MBD5: variants seen among roughly 807,000 people sequenced by gnomAD.
The protein encoded by MBD5 is methyl-CpG-binding domain protein 5.
Under a neutral mutation model 117.3 loss-of-function variants are expected in MBD5, and 13 were observed. That is an observed-to-expected ratio of 0.11 (90% CI 0.07 to 0.18). MBD5 has a LOEUF of 0.18. MBD5 is among the 10% of genes least tolerant of loss of function. The probability of loss-of-function intolerance (pLI) is 1.00; values close to 1 mark genes in which losing one functional copy is unlikely to be tolerated. For missense variants in MBD5, 1,879 were observed against 2,093.8 expected, an observed-to-expected ratio of 0.90 and a Z score of 2.00; for synonymous variants, 727 against 766.4, an observed-to-expected ratio of 0.95 and a Z score of 0.85.
rs780050012 is a variant in MBD5, at chr2:148,170,886, C to G, written c.-924-7814C>G. ...ATTCTACACCAACCAATTAGATTACCTAGAAGTGGATAAATGCCTAGACAT... is the reference window on the plus strand; with the variant it reads ...ATTCTACACCAACCAATTAGATTACGTAGAAGTGGATAAATGCCTAGACAT... On this transcript the variant is annotated intron_variant, in intron 1 of 13. Coordinates refer to ENST00000642680, the MANE Select transcript of MBD5 (RefSeq NM_001378120.1). 1.5e-3 allele frequency among the ~76,000 whole-genome samples: 235 copies of G among 152,200 alleles called. 1 individual carries two copies. The highest frequency in any genetic ancestry group is 5.6e-4 in the Non-Finnish European group (38 of 67,990).
intron 1 of MBD5, among the ~76,000 whole-genome samples, chr2:148,121,824 T>A (rs1243560181): frequency 6.6e-6 from 1 of 152,080 alleles, no homozygotes; most frequent in Non-Finnish European, 1.5e-5. Context: ...TCCACGTTTT[T>A]AAAAAAATTA....
chr2:148,122,757 G>T (rs1474132831), intron 1 of MBD5, among the ~76,000 whole-genome samples: 1 of 152,164 alleles, frequency 6.6e-6, no homozygotes, highest in Non-Finnish European at 1.5e-5. Flanking sequence ...AAAATGTCCA[G>T]TAAACAGTGA....
At chr2:148,309,402 T>A (rs1701973611) in intron 3 of MBD5, among the ~76,000 whole-genome samples, 1 of 152,222 alleles carries the variant, frequency 6.6e-6, no homozygotes, top group South Asian at 2.1e-4. Context: ...AGGTATTTTA[T>A]TCTCTTTGTA....
At chr2:148,212,247 A>C (rs1247691183) in intron 2 of MBD5, among the ~76,000 whole-genome samples, 1 of 151,782 alleles carries the variant, frequency 6.6e-6, no homozygotes, top group African/African-American at 2.4e-5. Context: ...ATTTCCCTCA[A>C]CTCCTAGTCC....
Position 148,142,762 on chromosome 2 carries a change from A to G in MBD5, c.-924-35938A>G, listed in dbSNP as rs1010952239. Among the ~76,000 whole-genome samples, 3 of 152,336 alleles carry G rather than the reference A, an allele frequency of 2.0e-5. No homozygotes were observed. In the East Asian group the frequency reaches 5.8e-4, roughly 29 times the overall value. The stretch of plus-strand genomic sequence containing the variant: ...AGCCTTCAGGAAGGAGCTCTCCAGG[A>G]AACTAAGGAAATTGATATGTTTGAA... On this transcript the variant is annotated intron_variant, in intron 1 of 13. Coordinates refer to ENST00000642680, the MANE Select transcript of MBD5 (RefSeq NM_001378120.1).
chr2:148,332,267 AT>A (rs1158388583), intron 3 of MBD5, among the ~76,000 whole-genome samples: 26 of 152,190 alleles, frequency 1.7e-4, no homozygotes, highest in Non-Finnish European at 3.7e-4. Context: ...TCAATTGTGC[AT>A]GTTATTATAA....
intron 12 of MBD5, among the ~76,000 whole-genome samples, chr2:148,507,582 A>AC (rs1411586300): frequency 2.6e-5 from 4 of 151,808 alleles, no homozygotes; most frequent in Non-Finnish European, 4.4e-5. Context: ...ACACGGTGAA[A>AC]CCCCGTCTCT....
At chr2:148,277,279 A>G (rs956108491) in intron 3 of MBD5, among the ~76,000 whole-genome samples, 4 of 152,232 alleles carry the variant, frequency 2.6e-5, no homozygotes, top group Non-Finnish European at 5.9e-5. Context: ...TTAAGAGTTT[A>G]GGAAAAATAT....
intron 2 of MBD5, among the ~76,000 whole-genome samples, chr2:148,211,410 G>A (rs1323422942): frequency 1.3e-5 from 2 of 152,116 alleles, no homozygotes; most frequent in African/African-American, 4.8e-5. Context: ...TTTGGACTCA[G>A]AGAAAACTGC....
At chr2:148,289,171 G>A (rs1268485194) in intron 3 of MBD5, among the ~76,000 whole-genome samples, 2 of 152,112 alleles carry the variant, frequency 1.3e-5, no homozygotes, top group African/African-American at 4.8e-5. Context: ...GACTCAAGCT[G>A]ATACAAACTC....
At chr2:148,323,912 T>C (rs75514220) in intron 3 of MBD5, among the ~76,000 whole-genome samples, 41,635 of 152,064 alleles carry the variant, frequency 0.27, 5,925 homozygotes, top group African/African-American at 0.31. Flanking sequence ...CAGGAAGTCC[T>C]TGCCCATGCC....
Position 148,330,174 on chromosome 2 carries a change from G to A in MBD5, c.-679-12040G>A, listed in dbSNP as rs532538300. Among the ~76,000 whole-genome samples, 68 of 141,818 alleles carry A rather than the reference G, an allele frequency of 4.8e-4. 1 individual carries two copies. Among genetic ancestry groups the A allele is most frequent in the African/African-American group, 1.7e-3 (66 of 37,950 alleles). 93.0% of individuals were successfully genotyped at this position (141,818 alleles called of 152,430 possible). A position where few individuals can be genotyped will look rare whatever the true frequency, so the allele number is the denominator to read the frequency against. On this transcript the variant is annotated intron_variant, in intron 3 of 13. Transcript: ENST00000642680. ...GTCATAGGATGAAATGTTCAGATAGGTTGATATGAGACTCCCAGCTTCTCT... is the reference window on the plus strand; with the variant it reads ...GTCATAGGATGAAATGTTCAGATAGATTGATATGAGACTCCCAGCTTCTCT...
chr2:148,322,605 C>T (rs1702310571), intron 3 of MBD5, among the ~76,000 whole-genome samples: 1 of 152,040 alleles, frequency 6.6e-6, no homozygotes, highest in Non-Finnish European at 1.5e-5. Flanking sequence ...TATTATTTGA[C>T]TTTCTCAGTG....
At chr2:148,060,294 A>G (rs1373577646) in intron 1 of MBD5, among the ~76,000 whole-genome samples, 4 of 151,664 alleles carry the variant, frequency 2.6e-5, no homozygotes, top group Admixed American at 2.0e-4. Flanking sequence ...TGGATGACAG[A>G]GTGAGACCCT....
At chr2:148,102,733 G>C (rs58945611) in intron 1 of MBD5, among the ~76,000 whole-genome samples, 579 of 34,908 alleles carry the variant, frequency 0.017, 1 homozygote, top group African/African-American at 0.024. Context: ...CACACACAGA[G>C]AGAGAGAGAG....
intron 2 of MBD5, among the ~76,000 whole-genome samples, chr2:148,216,759 G>C (rs897542793): frequency 6.6e-6 from 1 of 152,058 alleles, no homozygotes; most frequent in African/African-American, 2.4e-5. Flanking sequence ...CCAATTCTGG[G>C]TTCTCCCCAA....
Position 148,469,860 on chromosome 2 carries a change from T to C in MBD5, c.1917T>C (p.Ser639=). 1.9e-6 allele frequency: 3 copies of C among 1,613,924 alleles called. No homozygotes were observed. The highest frequency in any genetic ancestry group is 2.5e-6 in the Non-Finnish European group (3 of 1,179,902). The part of the protein sequence containing the change: ...NMLLPTGEGQ[S]GRAALRDKLM... ...TTCTCCCAACAGGTGAAGGGCAAAGTGGTCGAGCAGCACTAAGAGATAAGC... is the reference window on the plus strand; with the variant it reads ...TTCTCCCAACAGGTGAAGGGCAAAGCGGTCGAGCAGCACTAAGAGATAAGC... Residue 639 remains serine (S), a synonymous_variant, in exon 8 of 14, where the codon AGT becomes AGC. Coordinates refer to ENST00000642680, the MANE Select transcript of MBD5 (RefSeq NM_001378120.1).
At chr2:148,292,146 T>C (rs1174177226) in intron 3 of MBD5, among the ~76,000 whole-genome samples, 2 of 152,322 alleles carry the variant, frequency 1.3e-5, no homozygotes, top group East Asian at 3.9e-4. Flanking sequence ...GTCTAAGATA[T>C]TGATCTGGGC....
chr2:148,271,842 A>G (rs1442598035), intron 3 of MBD5, among the ~76,000 whole-genome samples: 2 of 152,174 alleles, frequency 1.3e-5, no homozygotes, highest in Non-Finnish European at 2.9e-5. Flanking sequence ...TACAAAATAC[A>G]TTTGTATTAA....
Sources: gnomAD v4.1 joint callset for allele counts (sites outside exome capture counted in the v4.1 genomes callset) on GRCh38, gnomAD v4.1.1 for gene constraint, MANE v1.5 for transcripts, NCBI Gene and HGNC (gene_info 2026-07-23, HGNC 2026-07-21) for gene names.